Variants in EIF4E observed in about 807,000 individuals in gnomAD.
EIF4E encodes the protein eukaryotic translation initiation factor 4E, also known as eIF-4F 25 kDa subunit.
For synonymous variants in EIF4E, 71 were observed against 88.5 expected, an observed-to-expected ratio of 0.80 and a Z score of 1.11; for missense variants, 113 against 265.6, an observed-to-expected ratio of 0.43 and a Z score of 3.99.
rs984478903 is a variant in EIF4E at position 98,898,004 on chromosome 4, G to A, written c.125+3872C>T. Among the ~76,000 whole-genome samples, 12 of 152,138 alleles carry A rather than the reference G, an allele frequency of 7.9e-5. No homozygotes were observed. In the South Asian group the frequency reaches 2.3e-3, roughly 29 times the overall value. On this transcript the variant is annotated intron_variant, in intron 2 of 6. Transcript: ENST00000450253. ...AGATGCAAGACACTGACAGACCAAT[G>A]GATTTTAATGTAACAAAGTAGAAAA...
At chr4:98,910,113 A>G (rs1242544598) in intron 1 of EIF4E, among the ~76,000 whole-genome samples, 1 of 152,188 alleles carries the variant, frequency 6.6e-6, no homozygotes, top group Non-Finnish European at 1.5e-5. Flanking sequence ...TCAAACATCT[A>G]TTTACAGTAA....
Position 98,929,126 on chromosome 4 carries a change from G to C in EIF4E, c.-14C>G. Reference sequence around the variant, plus strand: ...GACAGTCGCCATCTTAGATCGATCTGATCGCACAACCGCTCCAGAAGGGGG... The same window carrying C: ...GACAGTCGCCATCTTAGATCGATCTCATCGCACAACCGCTCCAGAAGGGGG... On this transcript the variant is annotated 5_prime_UTR_variant, in exon 1 of 7. The change creates a new upstream start codon in the 5' untranslated region. Coordinates refer to ENST00000450253, the MANE Select transcript of EIF4E (RefSeq NM_001968.5). The C allele has an allele frequency of 6.4e-7, 1 of 1,567,890 alleles. No homozygotes were observed. Among genetic ancestry groups the C allele is most frequent in the South Asian group, 1.2e-5 (1 of 85,380 alleles).
Position 98,891,242 on chromosome 4 carries a change from A to G in EIF4E, c.216T>C (p.Phe72=), listed in dbSNP as rs1052498669. 7 of 1,614,178 alleles carry G rather than the reference A, an allele frequency of 4.3e-6. No individual in the cohort carries two copies. Among genetic ancestry groups the G allele is most frequent in the Admixed American group, 3.3e-5 (2 of 60,026 alleles). ...LISKFDTVED[F]WALYNHIQLS... is the part of the protein sequence containing the mutation. ...TAAAACAAATGGTTACTTACGCCCA[A>G]AAGTCTTCAACAGTATCAAACTTGG... The change falls in exon 3 of 7, where the codon TTT becomes TTC. Residue 72 remains phenylalanine (F), a synonymous_variant. Coordinates refer to ENST00000450253, the MANE Select transcript of EIF4E (RefSeq NM_001968.5).
chr4:98,928,975 A>G lies in EIF4E; in HGVS notation c.18+120T>C, dbSNP rs11723037. 0.46 allele frequency: 716,144 copies of G among 1,573,108 alleles called. 171,397 individuals are homozygous for G. The highest frequency in any genetic ancestry group is 0.84 in the African/African-American group (62,226 of 73,848). On this transcript the variant is annotated intron_variant, in intron 1 of 6. Coordinates refer to ENST00000450253, the MANE Select transcript of EIF4E (RefSeq NM_001968.5). Reference sequence around the variant, plus strand: ...CCGCGGGAGGTCAGGTCCAACATGAAGGGGAAGGGGCGGCAAGGGGTACAG... The same window carrying G: ...CCGCGGGAGGTCAGGTCCAACATGAGGGGGAAGGGGCGGCAAGGGGTACAG...
intron 1 of EIF4E, among the ~76,000 whole-genome samples, chr4:98,909,358 T>C (rs1347107671): frequency 6.6e-6 from 1 of 152,240 alleles, no homozygotes; most frequent in Non-Finnish European, 1.5e-5. Context: ...CCTTGTAGTA[T>C]CTACTGTTAG....
At chr4:98,896,486 CAAAAAAAAAAA>C (rs59729154) in intron 2 of EIF4E, among the ~76,000 whole-genome samples, 3 of 39,014 alleles carry the variant, frequency 7.7e-5, no homozygotes, top group African/African-American at 1.2e-4. Flanking sequence ...CCGCATCTCT[CAAAAAAAAAAA>C]AAAAAAAAAA....
In EIF4E at chr4:98,883,694, C is replaced by T. The variant is rs759773778; in HGVS notation, c.539+1228G>A. Among the ~76,000 whole-genome samples, 152 of 151,836 alleles carry T rather than the reference C, an allele frequency of 1.0e-3. 1 individual carries two copies. The highest frequency in any genetic ancestry group is 3.4e-3 in the Middle Eastern group (1 of 294). ...CTGCGATTACAGGTGTGAGCCACTG[C>T]GCCTGGTGTCAAATATTACTAATAT... On this transcript the variant is annotated intron_variant, in intron 6 of 6. Transcript: ENST00000450253.
At chr4:98,903,333 G>A in intron 1 of EIF4E, 1 of 418,966 alleles carries the variant, frequency 2.4e-6, no homozygotes, top group South Asian at 1.7e-5. Context: ...GCAGAAAGGT[G>A]GTAAATATTT....
intron 2 of EIF4E, among the ~76,000 whole-genome samples, chr4:98,899,898 AT>A (rs1316551944): frequency 2.0e-5 from 3 of 152,148 alleles, no homozygotes. Context: ...GCCATAAAAC[AT>A]AGTATTTTTC....
chr4:98,919,096 C>A (rs1470037994), intron 1 of EIF4E, among the ~76,000 whole-genome samples: 1 of 152,082 alleles, frequency 6.6e-6, no homozygotes, highest in African/African-American at 2.4e-5. Flanking sequence ...ATCATGAGGT[C>A]AAGAGATCAA....
chr4:98,903,441 A>G (rs776386306), intron 1 of EIF4E: 3 of 455,400 alleles, frequency 6.6e-6, no homozygotes, highest in South Asian at 4.6e-5. Flanking sequence ...TCCCTGGCTC[A>G]AGCAATCTTC....
At chr4:98,894,719 T>A (rs1461125919) in intron 2 of EIF4E, among the ~76,000 whole-genome samples, 2 of 152,246 alleles carry the variant, frequency 1.3e-5, no homozygotes, top group East Asian at 3.8e-4. Context: ...TGTTTTCTTA[T>A]CATTCATGTG....
chr4:98,893,663 T>C (rs1176879622), intron 2 of EIF4E, among the ~76,000 whole-genome samples: 2 of 152,244 alleles, frequency 1.3e-5, no homozygotes, highest in Admixed American at 6.5e-5. Context: ...TGTTGGTCTC[T>C]TGCTCTCTGC....
At position 98,880,646 on chromosome 4, in the gene EIF4E, GAAC is replaced by G. The variant is rs1723641202; in HGVS notation, c.*379_*381del. 7.4e-6 allele frequency: 1 copy of G among 134,516 alleles called. No homozygotes were observed. The highest frequency in any genetic ancestry group is 1.6e-5 in the Non-Finnish European group (1 of 64,288). 8.3% of individuals were successfully genotyped at this position (134,516 alleles called of 1,614,324 possible). ...GCAAAATATGCTTCTGCATAAAATG[GAAC>G]AACAGAATTTTTTTTCCTGTAAAGT... On this transcript the variant is annotated 3_prime_UTR_variant, in exon 7 of 7. Transcript: ENST00000450253.
At chr4:98,919,795 G>A (rs770726183) in intron 1 of EIF4E, among the ~76,000 whole-genome samples, 7 of 152,038 alleles carry the variant, frequency 4.6e-5, no homozygotes, top group Non-Finnish European at 1.0e-4. Context: ...CTGACCTCAA[G>A]TGCTCCACCT....
At position 98,901,853 on chromosome 4, in the gene EIF4E, A is replaced by C. The variant is rs752013268; in HGVS notation, c.125+23T>G. 11 of 1,603,348 alleles carry C rather than the reference A, an allele frequency of 6.9e-6. No homozygotes were observed. The South Asian group carries it at 1.2e-4, about 18-fold the overall frequency. ...ATTTACCTTGTGGCCTAACTCAGAA[A>C]ACCTAGGTGTTAGAAAGCTTACCTG... On this transcript the variant is annotated intron_variant, in intron 2 of 6. Coordinates refer to ENST00000450253, the MANE Select transcript of EIF4E (RefSeq NM_001968.5).
At chr4:98,906,086 C>A (rs987510474) in intron 1 of EIF4E, among the ~76,000 whole-genome samples, 2 of 152,308 alleles carry the variant, frequency 1.3e-5, no homozygotes, top group Admixed American at 1.3e-4. Context: ...CTCAGCAACT[C>A]TCAACCTAAA....
chr4:98,903,360 G>GTTT (rs377361249), intron 1 of EIF4E: 124 of 384,544 alleles, frequency 3.2e-4, no homozygotes, highest in Non-Finnish European at 4.3e-4. Context: ...AAGAATATGG[G>GTTT]TTTTTTTTTT....
At chr4:98,903,941 G>A (rs1463837831) in intron 1 of EIF4E, among the ~76,000 whole-genome samples, 1 of 152,188 alleles carries the variant, frequency 6.6e-6, no homozygotes, top group East Asian at 1.9e-4. Context: ...CAGGCAGACA[G>A]TGGGAGTCTC....
Sources: allele counts gnomAD v4.1 joint callset (sites outside exome capture counted in the v4.1 genomes callset), GRCh38; gene constraint gnomAD v4.1.1; transcripts MANE v1.5; gene names NCBI Gene and HGNC (gene_info 2026-07-23, HGNC 2026-07-21).